Variants in TUSC3 observed in about 807,000 individuals in gnomAD.
TUSC3 encodes the protein dolichyl-diphosphooligosaccharide--protein glycosyltransferase subunit TUSC3.
In TUSC3, 45 loss-of-function variants were observed where a neutral mutation model predicts 44.8. That is an observed-to-expected ratio of 1.00 (90% CI 0.79 to 1.29). TUSC3 has a LOEUF of 1.29. TUSC3 is among the 50% of genes most tolerant of loss of function. TUSC3 has a pLI of 0.00. For missense variants in TUSC3, 519 were observed against 437.9 expected (o/e 1.19, Z -1.65); for synonymous variants, 212 against 152.9 (o/e 1.39, Z -2.85).
the TUSC3 span, among the ~76,000 whole-genome samples, chr8:15,843,289 T>C: frequency 6.6e-6 from 1 of 152,178 alleles, no homozygotes; most frequent in Non-Finnish European, 1.5e-5. Context: ...TGTTTTCTGA[T>C]AAAAGTTTTT....
chr8:15,842,543 C>T, the TUSC3 span, among the ~76,000 whole-genome samples: 4 of 152,092 alleles, frequency 2.6e-5, no homozygotes, highest in African/African-American at 4.8e-5. Flanking sequence ...GTTTCCCATC[C>T]GCAGTCCTCC....
intron 7 of TUSC3, chr8:15,733,775 G>T (rs1056237059): frequency 1.3e-5 from 2 of 153,132 alleles, no homozygotes; most frequent in Non-Finnish European, 2.9e-5. Flanking sequence ...AAGAAGTCCA[G>T]GCACAGTGGT....
chr8:15,691,538 AG>A (rs1808901532), intron 6 of TUSC3, among the ~76,000 whole-genome samples: 1 of 152,170 alleles, frequency 6.6e-6, no homozygotes, highest in Admixed American at 6.5e-5. Context: ...AGGACTTAAC[AG>A]TACCATGTTG....
Position 15,466,031 on chromosome 8 carries a change from G to A in TUSC3, n.92-17355G>A, listed in dbSNP as rs377249495. ...AACATTTTTGTCTGAGGGAACTTCC[G>A]AATTTTTAAACTCAATATATCCCGC... On this transcript the variant is annotated intron_variant and non_coding_transcript_variant, in intron 1 of 5. Coordinates refer to the TUSC3 transcript ENST00000503191. Among the ~76,000 whole-genome samples the A allele has an allele frequency of 6.2e-4, 95 of 152,232 alleles. 1 individual carries two copies. In the South Asian group the frequency reaches 0.016, roughly 26 times the overall value.
chr8:15,814,325 A>C, the TUSC3 span, among the ~76,000 whole-genome samples: 1 of 152,184 alleles, frequency 6.6e-6, no homozygotes, highest in Non-Finnish European at 1.5e-5. Flanking sequence ...AGCGCACCAA[A>C]ATAAATTTAT....
At chr8:15,692,382 T>TTG (rs1808952822) in intron 6 of TUSC3, among the ~76,000 whole-genome samples, 1 of 138,408 alleles carries the variant, frequency 7.2e-6, no homozygotes, top group Non-Finnish European at 1.5e-5. Flanking sequence ...TTTGTTTTTT[T>TTG]TTTTTTTTTT....
At chr8:15,690,765 C>T (rs1315500770) in intron 6 of TUSC3, among the ~76,000 whole-genome samples, 1 of 151,894 alleles carries the variant, frequency 6.6e-6, no homozygotes, top group Non-Finnish European at 1.5e-5. Context: ...GAATCCTTTC[C>T]CCATTGTTTG....
chr8:15,589,468 G>T (rs1438574859), intron 1 of TUSC3, among the ~76,000 whole-genome samples: 1 of 152,100 alleles, frequency 6.6e-6, no homozygotes, highest in South Asian at 2.1e-4. Flanking sequence ...GGAAGTTTTA[G>T]GAAGGAAAAG....
chr8:15,746,528 A>ATAAT (rs2129216445), intron 8 of TUSC3, among the ~76,000 whole-genome samples: 1 of 152,020 alleles, frequency 6.6e-6, no homozygotes, highest in South Asian at 2.1e-4. Context: ...GGTTCCTTTA[A>ATAAT]TAATTATTAA....
At chr8:15,788,970 A>G in the TUSC3 span, among the ~76,000 whole-genome samples, 1 of 152,202 alleles carries the variant, frequency 6.6e-6, no homozygotes, top group Non-Finnish European at 1.5e-5. Context: ...TGGCATTGGC[A>G]AGCTACGCCT....
chr8:15,612,373 T>C (rs1804801955), intron 1 of TUSC3, among the ~76,000 whole-genome samples: 2 of 152,136 alleles, frequency 1.3e-5, no homozygotes, highest in Admixed American at 6.5e-5. Context: ...GTAAAAAATA[T>C]GAGATTAGTG....
At chr8:15,543,771 A>G (rs1563281367) in intron 1 of TUSC3, among the ~76,000 whole-genome samples, 1 of 149,936 alleles carries the variant, frequency 6.7e-6, no homozygotes, top group East Asian at 2.0e-4. Context: ...AACTAACTTT[A>G]TAATAATAAA....
At chr8:15,575,907 G>A (rs975740616) in intron 1 of TUSC3, among the ~76,000 whole-genome samples, 3 of 151,988 alleles carry the variant, frequency 2.0e-5, no homozygotes, top group Non-Finnish European at 4.4e-5. Context: ...TTACATTGGG[G>A]AAAGTGTTAT....
chr8:15,526,037 C>A (rs780722297), intron 2 of TUSC3, among the ~76,000 whole-genome samples: 1 of 151,188 alleles, frequency 6.6e-6, no homozygotes, highest in African/African-American at 2.4e-5. Flanking sequence ...GTGGGAGATT[C>A]ATCTTTTTTT....
At chr8:15,544,935 A>G (rs902915144) in intron 1 of TUSC3, among the ~76,000 whole-genome samples, 28 of 151,882 alleles carry the variant, frequency 1.8e-4, no homozygotes, top group African/African-American at 6.5e-4. Context: ...GGCAGAAGAC[A>G]TGGGATTCTT....
At chr8:15,715,256 C>T (rs1810010467) in intron 6 of TUSC3, among the ~76,000 whole-genome samples, 1 of 152,050 alleles carries the variant, frequency 6.6e-6, no homozygotes, top group South Asian at 2.1e-4. Flanking sequence ...ATAAATTAGG[C>T]ACAGTAAGAG....
chr8:15,753,506 G>A (rs1453477631), intron 9 of TUSC3, among the ~76,000 whole-genome samples: 1 of 151,986 alleles, frequency 6.6e-6, no homozygotes, highest in African/African-American at 2.4e-5. Context: ...GTGGACATGG[G>A]AGCATTATGA....
chr8:15,703,909 T>C (rs1809506766), intron 6 of TUSC3, among the ~76,000 whole-genome samples: 2 of 152,098 alleles, frequency 1.3e-5, no homozygotes, highest in Admixed American at 6.6e-5. Flanking sequence ...AGCAAAAGTT[T>C]ACAGAGTGTC....
chr8:15,548,187 T>C (rs990263292), intron 1 of TUSC3, among the ~76,000 whole-genome samples: 1 of 151,558 alleles, frequency 6.6e-6, no homozygotes, highest in Non-Finnish European at 1.5e-5. Context: ...ACGAAGACAA[T>C]TGTATATAAT....
Sources: gnomAD v4.1 joint callset for allele counts (sites outside exome capture counted in the v4.1 genomes callset) on GRCh38, gnomAD v4.1.1 for gene constraint, MANE v1.5 for transcripts, NCBI Gene and HGNC (gene_info 2026-07-23, HGNC 2026-07-21) for gene names.